The following CCDC148 variants were observed in gnomAD, a reference collection of about 807,000 sequenced individuals.
CCDC148 encodes the protein coiled-coil domain containing 148.
CCDC148 carries 89 observed loss-of-function variants against 85.7 expected under a neutral mutation model. The ratio of observed to expected loss-of-function variants is 1.04; its 90% CI spans 0.87 to 1.24. The LOEUF (loss-of-function observed/expected upper bound fraction) is 1.24, where lower values mean the gene tolerates loss of function less well. Ranked by LOEUF, CCDC148 falls within the 50% of genes most tolerant of loss-of-function variation. CCDC148 has a pLI of 0.00. For missense variants in CCDC148, 692 were observed against 671.7 expected, an observed-to-expected ratio of 1.03 and a Z score of -0.33; for synonymous variants, 230 against 213.9, an observed-to-expected ratio of 1.08 and a Z score of -0.66.
chr2:158,328,324 C>G (rs980327228), intron 7 of CCDC148, among the ~76,000 whole-genome samples: 1 of 152,074 alleles, frequency 6.6e-6, no homozygotes. Flanking sequence ...TCATACATGT[C>G]CCTACAAAGG....
intron 1 of CCDC148, among the ~76,000 whole-genome samples, chr2:158,375,016 A>G (rs907700739): frequency 1.3e-5 from 2 of 152,064 alleles, no homozygotes; most frequent in Non-Finnish European, 2.9e-5. Context: ...AATATTTTCT[A>G]TATGAAGTTG....
chr2:158,231,209 T>C (rs867371416), intron 10 of CCDC148, among the ~76,000 whole-genome samples: 1 of 152,150 alleles, frequency 6.6e-6, no homozygotes, highest in Admixed American at 6.5e-5. Context: ...GGAAAGAGAA[T>C]GTGGTTATGC....
chr2:158,173,670 T>C (rs545220924), intron 13 of CCDC148, among the ~76,000 whole-genome samples: 1 of 152,086 alleles, frequency 6.6e-6, no homozygotes, highest in Admixed American at 6.6e-5. Context: ...GGGGCAACGA[T>C]GAGTATGAAG....
At chr2:158,443,200 A>C (rs1276945750) in intron 1 of CCDC148, among the ~76,000 whole-genome samples, 1 of 152,122 alleles carries the variant, frequency 6.6e-6, no homozygotes, top group African/African-American at 2.4e-5. Context: ...TCACTCAGGC[A>C]CAGTGGCTTA....
chr2:158,322,306 T>A (rs1692556743), intron 7 of CCDC148, among the ~76,000 whole-genome samples: 1 of 152,168 alleles, frequency 6.6e-6, no homozygotes, highest in South Asian at 2.1e-4. Context: ...TACATTGTAA[T>A]ACTATCCATC....
At chr2:158,341,929 A>G (rs965695717) in intron 3 of CCDC148, among the ~76,000 whole-genome samples, 1 of 144,772 alleles carries the variant, frequency 6.9e-6, no homozygotes, top group African/African-American at 2.5e-5. Context: ...TTTTACTAAC[A>G]CTAACTTTTT....
intron 1 of CCDC148, among the ~76,000 whole-genome samples, chr2:158,422,743 G>T (rs552542564): frequency 6.6e-6 from 1 of 152,108 alleles, no homozygotes; most frequent in Non-Finnish European, 1.5e-5. Context: ...GAGCAATCAG[G>T]CAGGAGAAAG....
chr2:158,176,516 A>G lies in CCDC148; in HGVS notation c.1629+5T>C. On this transcript the variant is annotated splice_donor_5th_base_variant and intron_variant, in intron 13 of 13. Transcript: ENST00000283233. ...TTCATCAGTCATGCTAATTTCCATAATTACCTGCTGTTCATTGTATGTATT... is the reference window on the plus strand; with the variant it reads ...TTCATCAGTCATGCTAATTTCCATAGTTACCTGCTGTTCATTGTATGTATT... The G allele has an allele frequency of 6.2e-7, 1 of 1,609,760 alleles. No homozygotes were observed. The highest frequency in any genetic ancestry group is 8.5e-7 in the Non-Finnish European group (1 of 1,177,026).
intron 11 of CCDC148, among the ~76,000 whole-genome samples, chr2:158,214,330 G>A (rs994599762): frequency 6.6e-6 from 1 of 151,926 alleles, no homozygotes; most frequent in Non-Finnish European, 1.5e-5. Flanking sequence ...CTTACCTGTG[G>A]CAAGCACCCC....
At chr2:158,267,111 T>C (rs1689499475) in intron 9 of CCDC148, among the ~76,000 whole-genome samples, 3 of 151,990 alleles carry the variant, frequency 2.0e-5, no homozygotes. Flanking sequence ...CTCCGATTCT[T>C]AGCATGACAT....
At chr2:158,178,364 C>T (rs1015890581) in intron 12 of CCDC148, among the ~76,000 whole-genome samples, 3 of 152,162 alleles carry the variant, frequency 2.0e-5, no homozygotes, top group Non-Finnish European at 4.4e-5. Context: ...TGCCATCTAC[C>T]ATCCATTTTC....
At chr2:158,254,827 TA>T (rs1448398834) in intron 9 of CCDC148, among the ~76,000 whole-genome samples, 1 of 151,594 alleles carries the variant, frequency 6.6e-6, no homozygotes, top group Non-Finnish European at 1.5e-5. Context: ...AGCAAAAGCA[TA>T]AATCAAAATC....
chr2:158,295,743 C>A (rs573158861), intron 9 of CCDC148, among the ~76,000 whole-genome samples: 1 of 149,356 alleles, frequency 6.7e-6, no homozygotes, highest in East Asian at 2.0e-4. Context: ...TAAGAGCTAT[C>A]TATGACAAAC....
intron 11 of CCDC148, among the ~76,000 whole-genome samples, chr2:158,206,183 A>G (rs78960691): frequency 0.022 from 3,400 of 152,246 alleles, 48 homozygotes; most frequent in East Asian, 0.068. Flanking sequence ...TGACCTTAAG[A>G]TACCAGGTAA....
At chr2:158,399,529 A>G (rs1181493140) in intron 1 of CCDC148, among the ~76,000 whole-genome samples, 1 of 152,206 alleles carries the variant, frequency 6.6e-6, no homozygotes, top group East Asian at 1.9e-4. Flanking sequence ...CAAAAAACAC[A>G]TGATTATCTC....
At chr2:158,233,756 T>TC (rs1480392233) in intron 10 of CCDC148, among the ~76,000 whole-genome samples, 3 of 152,014 alleles carry the variant, frequency 2.0e-5, no homozygotes, top group Admixed American at 2.0e-4. Context: ...GAAGCCAGAT[T>TC]AAAGGTATTC....
chr2:158,253,407 A>C (rs1688878817), intron 9 of CCDC148, among the ~76,000 whole-genome samples: 1 of 151,588 alleles, frequency 6.6e-6, no homozygotes, highest in South Asian at 2.1e-4. Context: ...CCCCTGCTTG[A>C]AATGCTCTCA....
At chr2:158,266,854 C>CTG (rs147618414) in intron 9 of CCDC148, among the ~76,000 whole-genome samples, 393 of 149,262 alleles carry the variant, frequency 2.6e-3, no homozygotes, top group Non-Finnish European at 4.7e-3. Flanking sequence ...GTGTGTGTGT[C>CTG]TGTGTGTGTG....
chr2:158,308,978 G>GGA (rs1691833339), intron 9 of CCDC148, among the ~76,000 whole-genome samples: 1 of 152,146 alleles, frequency 6.6e-6, no homozygotes, highest in Non-Finnish European at 1.5e-5. Flanking sequence ...ACTTCGCTGA[G>GGA]GACTCACACA....
Sources: gnomAD v4.1 joint callset for allele counts (sites outside exome capture counted in the v4.1 genomes callset) on GRCh38, gnomAD v4.1.1 for gene constraint, MANE v1.5 for transcripts, NCBI Gene and HGNC (gene_info 2026-07-23, HGNC 2026-07-21) for gene names.